The following AP4E1 variants were observed in gnomAD, a reference collection of about 807,000 sequenced individuals.
AP4E1 encodes the protein AP-4 complex subunit epsilon-1.
Under a neutral mutation model 128.2 loss-of-function variants are expected in AP4E1, and 56 were observed. That is an observed-to-expected ratio of 0.44 (90% CI 0.35 to 0.55). AP4E1 has a LOEUF of 0.55. AP4E1 is among the 20% of genes least tolerant of loss of function. The pLI is 0.00. For synonymous variants in AP4E1, 484 were observed against 473.1 expected (o/e 1.02, Z -0.30); for missense variants, 1,324 against 1,307.7 (o/e 1.01, Z -0.19).
chr15:50,941,383 A>G lies in AP4E1; in HGVS notation c.944-59A>G, dbSNP rs181822317. 1.2e-4 allele frequency: 183 copies of G among 1,570,672 alleles called. No individual in the cohort carries two copies. In the African/African-American group the frequency reaches 2.1e-3, roughly 18 times the overall value. On this transcript the variant is annotated intron_variant, in intron 8 of 20. Transcript: ENST00000261842. ...TAGTTTTATTACAAGTTCTACACAA[A>G]TACATTGTTTTGTTATACCTTACCA...
intron 20 of AP4E1, among the ~76,000 whole-genome samples, 166 bp from the exon 21 acceptor site, chr15:51,002,336 G>A (rs2064974012): frequency 6.6e-6 from 1 of 152,118 alleles, no homozygotes. Flanking sequence ...ATCCTAATGT[G>A]TATGAAGTAT....
chr15:50,908,991 C>G (rs1004015993), intron 1 of AP4E1, 63 bp downstream of exon 1: 18 of 1,597,828 alleles, frequency 1.1e-5, no homozygotes, highest in East Asian at 4.5e-5. Flanking sequence ...CCAGGAGGCC[C>G]TGGCCGGGCG....
At chr15:50,928,492 T>A (rs2063793703) in intron 5 of AP4E1, among the ~76,000 whole-genome samples, 1 of 152,130 alleles carries the variant, frequency 6.6e-6, no homozygotes, top group Non-Finnish European at 1.5e-5. Flanking sequence ...TTCGCCATGT[T>A]GGCCAGGCTG....
intron 15 of AP4E1, among the ~76,000 whole-genome samples, chr15:50,979,143 C>T (rs921974100): frequency 1.3e-5 from 2 of 152,104 alleles, no homozygotes; most frequent in African/African-American, 4.8e-5. Context: ...TTGAGGTATT[C>T]ACTGTTACTG....
Position 50,958,586 on chromosome 15 carries a change from C to T in AP4E1, c.1643C>T (p.Ser548Leu), listed in dbSNP as rs1301536360. ...YKLLMNDSVS[S>L]ETKAWLIAAV... Reference sequence around the variant, plus strand: ...TTACTTATGAATGACTCTGTGTCTTCAGAAACAAAAGCCTGGTTAATTGCT... The same window carrying T: ...TTACTTATGAATGACTCTGTGTCTTTAGAAACAAAAGCCTGGTTAATTGCT... Residue 548 changes from serine (S) to leucine (L), a missense_variant, in exon 14 of 21, where the codon TCA becomes TTA. Ser to Leu is a moderately radical substitution (Grantham distance 145). Coordinates refer to ENST00000261842, the MANE Select transcript of AP4E1 (RefSeq NM_007347.5). 3 of 1,613,980 alleles carry T rather than the reference C, an allele frequency of 1.9e-6. No individual in the cohort carries two copies. The highest frequency in any genetic ancestry group is 1.3e-5 in the African/African-American group (1 of 74,918).
rs1189192821 is a variant in AP4E1 at position 50,973,737 on chromosome 15, T to C, written c.1966+5360T>C. 2.0e-5 allele frequency among the ~76,000 whole-genome samples: 3 copies of C among 152,230 alleles called. No homozygotes were observed. The East Asian group carries it at 5.8e-4, about 29-fold the overall frequency. On this transcript the variant is annotated intron_variant, in intron 15 of 20. Transcript: ENST00000261842. Reference sequence around the variant, plus strand: ...AAGTTTCATCTATGTTGTCGTATATTGCAGAATTTTCTTCGTTTTCAAAGT... The same window carrying C: ...AAGTTTCATCTATGTTGTCGTATATCGCAGAATTTTCTTCGTTTTCAAAGT...
chr15:50,945,263 T>C, intron 10 of AP4E1: 2 of 784,162 alleles, frequency 2.6e-6, no homozygotes, highest in South Asian at 1.3e-5. Context: ...GTGTAAGTAG[T>C]GTTAAATTTA....
At chr15:50,975,653 G>A (rs774554657) in intron 15 of AP4E1, among the ~76,000 whole-genome samples, 2 of 152,048 alleles carry the variant, frequency 1.3e-5, no homozygotes, top group Non-Finnish European at 2.9e-5. Context: ...CTCTATGTCT[G>A]TCTTTATGCC....
chr15:50,951,416 T>C (rs2064148319), intron 13 of AP4E1, among the ~76,000 whole-genome samples: 1 of 152,216 alleles, frequency 6.6e-6, no homozygotes, highest in Non-Finnish European at 1.5e-5. Flanking sequence ...AAGCCAGTAG[T>C]GGAGATCAGT....
Position 51,005,335 on chromosome 15 carries a change from C to G in AP4E1, c.*2673C>G, listed in dbSNP as rs566804551. On this transcript the variant is annotated 3_prime_UTR_variant, in exon 21 of 21. Transcript: ENST00000261842. ...TCTTTGCTGAAAATGGAGATGGCAG[C>G]AAGTGTGAATCTGGGGGAATATAAG... is the stretch of plus-strand genomic sequence containing the variant. 6.5e-6 allele frequency: 1 copy of G among 152,906 alleles called. No individual in the cohort carries two copies. The highest frequency in any genetic ancestry group is 6.5e-5 in the Admixed American group (1 of 15,282). 9.5% of individuals were successfully genotyped at this position (152,906 alleles called of 1,614,324 possible). A position where few individuals can be genotyped will look rare whatever the true frequency, so the allele number is the denominator to read the frequency against.
intron 1 of AP4E1, among the ~76,000 whole-genome samples, chr15:50,909,661 G>T (rs1481151336): frequency 6.6e-6 from 1 of 151,830 alleles, no homozygotes; most frequent in African/African-American, 2.4e-5. Flanking sequence ...ATCTCGGCTC[G>T]CTGGAGCCTT....
At chr15:50,982,636 T>A (rs895046712) in intron 15 of AP4E1, among the ~76,000 whole-genome samples, 10 of 152,198 alleles carry the variant, frequency 6.6e-5, no homozygotes, top group Admixed American at 3.3e-4. Context: ...CTAGTTCACA[T>A]ACCTAGTTAA....
At position 50,958,557 on chromosome 15, in the gene AP4E1, C is replaced by T. The variant is rs756147502; in HGVS notation, c.1614C>T (p.Tyr538=). 2 of 1,614,034 alleles carry T rather than the reference C, an allele frequency of 1.2e-6. No homozygotes were observed. Among genetic ancestry groups the T allele is most frequent in the Middle Eastern group, 1.7e-4 (1 of 6,060 alleles). Residue 538 remains tyrosine, a synonymous_variant, in exon 14 of 21, where the codon TAC becomes TAT. Coordinates refer to ENST00000261842, the MANE Select transcript of AP4E1 (RefSeq NM_007347.5). ...CAGAGGAAGTTATAGCTAAGCTCTA[C>T]AAGTTACTTATGAATGACTCTGTGT... ...ETPEEVIAKL[Y]KLLMNDSVSS...
intron 14 of AP4E1, among the ~76,000 whole-genome samples, chr15:50,962,280 C>T (rs1001894488): frequency 6.6e-6 from 1 of 151,890 alleles, no homozygotes; most frequent in Non-Finnish European, 1.5e-5. Context: ...TGTAGAGAAC[C>T]ATGAGACTCT....
rs1311207258 is a variant in AP4E1, at chr15:50,941,519, A to G, written c.1021A>G (p.Ile341Val). Reference protein sequence around the residue: ...SELLEKAAKCIGKFVLSPKIN... With the variant: ...SELLEKAAKCVGKFVLSPKIN... ...ATTACTTGAGAAGGCTGCCAAGTGC[A>G]TTGGAAAATTTGTTCTGTCACCTAA... Residue 341 changes from isoleucine to valine, a missense_variant, in exon 9 of 21, where the codon ATT becomes GTT. By Grantham distance (29) the Ile-to-Val change is conservative. Coordinates refer to ENST00000261842, the MANE Select transcript of AP4E1 (RefSeq NM_007347.5). 6.2e-7 allele frequency: 1 copy of G among 1,613,230 alleles called. No homozygotes were observed. Among genetic ancestry groups the G allele is most frequent in the Non-Finnish European group, 8.5e-7 (1 of 1,179,632 alleles).
rs568975840 is a variant in AP4E1, at chr15:50,909,910, C to T, written c.150+982C>T. 3.9e-5 allele frequency among the ~76,000 whole-genome samples: 6 copies of T among 152,316 alleles called. No homozygotes were observed. In the East Asian group the frequency reaches 5.8e-4, roughly 15 times the overall value. ...CCGTGTTAGCGAGGATGGTCTCGAT[C>T]TCCTGACCTCGCGATCCGCCCGCCT... On this transcript the variant is annotated intron_variant, in intron 1 of 20. Coordinates refer to ENST00000261842, the MANE Select transcript of AP4E1 (RefSeq NM_007347.5).
At chr15:50,954,882 C>A (rs1353902051) in intron 13 of AP4E1, among the ~76,000 whole-genome samples, 2 of 152,164 alleles carry the variant, frequency 1.3e-5, no homozygotes, top group South Asian at 2.1e-4. Flanking sequence ...GTGTGATATT[C>A]CCCTTCCTGT....
intron 14 of AP4E1, among the ~76,000 whole-genome samples, chr15:50,961,543 G>A (rs1216632636): frequency 6.6e-6 from 1 of 151,768 alleles, no homozygotes; most frequent in Non-Finnish European, 1.5e-5. Context: ...AATTCATTTG[G>A]TAGAATCCAA....
intron 3 of AP4E1, among the ~76,000 whole-genome samples, chr15:50,922,163 CAAAA>C (rs34829950): frequency 2.5e-5 from 2 of 79,730 alleles, no homozygotes; most frequent in Non-Finnish European, 2.3e-5. Flanking sequence ...CCTATCTCTA[CAAAA>C]AAAAAAAAAA....
Sources: gnomAD v4.1 joint callset for allele counts (sites outside exome capture counted in the v4.1 genomes callset) on GRCh38, gnomAD v4.1.1 for gene constraint, MANE v1.5 for transcripts, NCBI Gene and HGNC (gene_info 2026-07-23, HGNC 2026-07-21) for gene names.